The following SYN3 variants were observed in gnomAD, a reference collection of about 807,000 sequenced individuals.
The protein encoded by SYN3 is synapsin III.
A neutral mutation model predicts 65.8 loss-of-function variants in SYN3; 35 were observed. The ratio of observed to expected loss-of-function variants is 0.53; its 90% confidence interval spans 0.41 to 0.70. The LOEUF (loss-of-function observed/expected upper bound fraction) is 0.70, where lower values mean the gene tolerates loss of function less well. Among genes scored for constraint, SYN3 ranks in the 30% least tolerant of loss-of-function variants. SYN3 has a pLI of 0.00. For synonymous variants in SYN3, 270 were observed against 292.9 expected (o/e 0.92, Z 0.80); for missense variants, 680 against 749.0 (o/e 0.91, Z 1.08).
intron 6 of SYN3, among the ~76,000 whole-genome samples, chr22:32,773,264 G>A (rs534290195): frequency 4.6e-5 from 7 of 152,128 alleles, no homozygotes; most frequent in East Asian, 3.9e-4. Flanking sequence ...ACAATTAGCC[G>A]GCCATGGTGG....
At chr22:32,671,929 A>T (rs1487934428) in intron 6 of SYN3, among the ~76,000 whole-genome samples, 1 of 152,262 alleles carries the variant, frequency 6.6e-6, no homozygotes, top group African/African-American at 2.4e-5. Flanking sequence ...AGCTTGTTGG[A>T]TTGGATGATC....
At chr22:32,670,571 T>C (rs2060346925) in intron 6 of SYN3, among the ~76,000 whole-genome samples, 1 of 152,236 alleles carries the variant, frequency 6.6e-6, no homozygotes, top group Non-Finnish European at 1.5e-5. Flanking sequence ...TATGGTGGCT[T>C]TGTGGCTTCT....
At chr22:32,854,454 A>G (rs781676650) in intron 6 of SYN3, among the ~76,000 whole-genome samples, 1 of 152,212 alleles carries the variant, frequency 6.6e-6, no homozygotes, top group Non-Finnish European at 1.5e-5. Context: ...AGACTGACGC[A>G]GAAGGAATGA....
At chr22:32,586,766 C>G (rs1354094240) in intron 7 of SYN3, among the ~76,000 whole-genome samples, 2 of 152,086 alleles carry the variant, frequency 1.3e-5, no homozygotes, top group Non-Finnish European at 2.9e-5. Context: ...GATGAATTGG[C>G]AAACATGGAG....
intron 6 of SYN3, among the ~76,000 whole-genome samples, chr22:32,809,946 C>T (rs867960321): frequency 2.6e-5 from 4 of 152,216 alleles, no homozygotes; most frequent in South Asian, 4.1e-4. Flanking sequence ...TGTCACTTCT[C>T]CCTGTTACCC....
intron 1 of SYN3, among the ~76,000 whole-genome samples, chr22:33,016,548 C>T (rs1445988803): frequency 1.3e-5 from 2 of 152,152 alleles, no homozygotes; most frequent in Non-Finnish European, 2.9e-5. Flanking sequence ...CTTTTCTTTA[C>T]ACTCGCTCCA....
intron 4 of SYN3, among the ~76,000 whole-genome samples, chr22:32,914,626 T>C (rs931903475): frequency 2.6e-5 from 4 of 151,772 alleles, no homozygotes; most frequent in Non-Finnish European, 5.9e-5. Flanking sequence ...GTATTTTTAG[T>C]AGAGACAGGG....
chr22:32,587,240 AAAAGAG>A (rs1411100974), intron 7 of SYN3, among the ~76,000 whole-genome samples: 3 of 150,090 alleles, frequency 2.0e-5, no homozygotes, highest in African/African-American at 7.3e-5. Context: ...AAAAAAAAAA[AAAAGAG>A]AGAGAGAAGC....
chr22:32,529,338 C>T (rs1394808408), intron 10 of SYN3, among the ~76,000 whole-genome samples: 1 of 152,202 alleles, frequency 6.6e-6, no homozygotes, highest in Non-Finnish European at 1.5e-5. Flanking sequence ...CCCTGGCCCC[C>T]TCCCAGGGTC....
At chr22:32,625,432 G>A (rs1601787095) in intron 6 of SYN3, among the ~76,000 whole-genome samples, 1 of 152,270 alleles carries the variant, frequency 6.6e-6, no homozygotes, top group Admixed American at 6.5e-5. Flanking sequence ...CTCCCAGCTG[G>A]CTTTGGTCCT....
intron 6 of SYN3, among the ~76,000 whole-genome samples, chr22:32,744,642 T>G (rs1245909505): frequency 6.6e-6 from 1 of 152,188 alleles, no homozygotes; most frequent in Non-Finnish European, 1.5e-5. Context: ...TCACCCAACA[T>G]GCTACTGTGA....
chr22:32,767,388 C>CACACACAT (rs1221216450), intron 6 of SYN3, among the ~76,000 whole-genome samples: 1 of 151,860 alleles, frequency 6.6e-6, no homozygotes, highest in African/African-American at 2.4e-5. Flanking sequence ...GGTGACTTCA[C>CACACACAT]ACACACACAT....
At chr22:32,802,524 A>AG (rs2046617504) in intron 6 of SYN3, among the ~76,000 whole-genome samples, 1 of 152,114 alleles carries the variant, frequency 6.6e-6, no homozygotes, top group Non-Finnish European at 1.5e-5. Context: ...AAAAAAAAAA[A>AG]AAAGTTGCCC....
intron 12 of SYN3, chr22:32,519,380 C>T (rs188147969): frequency 2.0e-5 from 3 of 151,978 alleles, no homozygotes; most frequent in Admixed American, 6.5e-5. Context: ...CAAGAATTAA[C>T]TCTTACTTTT....
intron 1 of SYN3, among the ~76,000 whole-genome samples, chr22:33,055,085 A>G (rs1196035922): frequency 6.6e-6 from 1 of 152,208 alleles, no homozygotes; most frequent in East Asian, 1.9e-4. Context: ...CTGGAAGCTG[A>G]GATTGACTCC....
intron 6 of SYN3, among the ~76,000 whole-genome samples, chr22:32,624,391 T>C (rs1482485024): frequency 6.6e-6 from 1 of 152,210 alleles, no homozygotes; most frequent in African/African-American, 2.4e-5. Flanking sequence ...GCTGAACTGA[T>C]GGTCGGTGGA....
chr22:32,861,672 A>T (rs1270749054), intron 6 of SYN3: 1 of 152,656 alleles, frequency 6.6e-6, no homozygotes, highest in African/African-American at 2.4e-5. Context: ...TAGCAGAACC[A>T]CATCCCCATC....
At chr22:32,631,555 A>G (rs1308060018) in intron 6 of SYN3, among the ~76,000 whole-genome samples, 1 of 152,204 alleles carries the variant, frequency 6.6e-6, no homozygotes, top group African/African-American at 2.4e-5. Context: ...GAAGGACCTT[A>G]GGAAACCACC....
intron 6 of SYN3, among the ~76,000 whole-genome samples, chr22:32,845,549 T>A (rs993857737): frequency 6.6e-6 from 1 of 152,088 alleles, no homozygotes; most frequent in African/African-American, 2.4e-5. Context: ...AAGCGGGAAA[T>A]AGGACTTCTA....
Sources: gnomAD v4.1 joint callset for allele counts (sites outside exome capture counted in the v4.1 genomes callset) on GRCh38, gnomAD v4.1.1 for gene constraint, MANE v1.5 for transcripts, NCBI Gene and HGNC (gene_info 2026-07-23, HGNC 2026-07-21) for gene names.